LPAR1: variants seen among roughly 807,000 people sequenced by gnomAD.
LPAR1 encodes the protein lysophosphatidic acid receptor 1.
In LPAR1, 5 loss-of-function variants were observed where a neutral mutation model predicts 23.8. The observed-to-expected ratio is 0.21, with a 90% CI of 0.11 to 0.44. The LOEUF (loss-of-function observed/expected upper bound fraction) is 0.44. Among genes scored for constraint, LPAR1 ranks in the 20% least tolerant of loss-of-function variants. LPAR1 has a pLI of 0.99. For missense variants in LPAR1, 311 were observed against 482.8 expected (o/e 0.64, Z 3.33); for synonymous variants, 160 against 164.7 (o/e 0.97, Z 0.22).
intron 5 of LPAR1, among the ~76,000 whole-genome samples, chr9:110,892,822 A>AGGCAGGCAGGCAGGCAGGC (rs1564386259): frequency 3.5e-5 from 3 of 86,258 alleles, no homozygotes; most frequent in Admixed American, 2.4e-4. Context: ...GGAAGGAAGG[A>AGGCAGGCAGGCAGGCAGGC]AGGAAGGCAG....
intron 5 of LPAR1, among the ~76,000 whole-genome samples, chr9:110,910,299 A>G (rs926941720): frequency 1.2e-4 from 19 of 152,158 alleles, no homozygotes; most frequent in Non-Finnish European, 1.9e-4. Flanking sequence ...CTCTGCCTGT[A>G]GTCTATAAAT....
intron 5 of LPAR1, among the ~76,000 whole-genome samples, chr9:110,894,139 G>A (rs2085472140): frequency 6.6e-6 from 1 of 151,838 alleles, no homozygotes; most frequent in African/African-American, 2.4e-5. Context: ...TATTCACATG[G>A]GAACTTAAGA....
chr9:110,954,645 G>A (rs1461392401), intron 4 of LPAR1, among the ~76,000 whole-genome samples: 2 of 152,076 alleles, frequency 1.3e-5, no homozygotes, highest in Non-Finnish European at 2.9e-5. Flanking sequence ...AAATTGTACA[G>A]GCCAGGAGAG....
chr9:110,896,555 T>C (rs962081416), intron 5 of LPAR1, among the ~76,000 whole-genome samples: 2 of 152,056 alleles, frequency 1.3e-5, no homozygotes, highest in Non-Finnish European at 2.9e-5. Flanking sequence ...TACTACTCCA[T>C]GGTATGATCT....
chr9:110,997,956 C>CA (rs2097051230), intron 2 of LPAR1, among the ~76,000 whole-genome samples: 1 of 152,200 alleles, frequency 6.6e-6, no homozygotes, highest in Non-Finnish European at 1.5e-5. Context: ...CTGCATTACA[C>CA]CAGTGGTTCT....
At chr9:110,878,231 C>T (rs530569549) in intron 5 of LPAR1, among the ~76,000 whole-genome samples, 27 of 152,224 alleles carry the variant, frequency 1.8e-4, no homozygotes, top group African/African-American at 5.8e-4. Flanking sequence ...TACAGGCCTC[C>T]GAAATCAACA....
intron 5 of LPAR1, among the ~76,000 whole-genome samples, chr9:110,901,971 C>T (rs540274938): frequency 6.6e-6 from 1 of 152,030 alleles, no homozygotes; most frequent in Non-Finnish European, 1.5e-5. Flanking sequence ...ATACTTTTTC[C>T]CTGTTTCTCC....
At chr9:110,885,860 C>A (rs1305894350) in intron 5 of LPAR1, among the ~76,000 whole-genome samples, 2 of 151,950 alleles carry the variant, frequency 1.3e-5, no homozygotes, top group Non-Finnish European at 2.9e-5. Flanking sequence ...GTGAGGAGTT[C>A]GAGACCAGCC....
At chr9:110,996,085 T>C (rs1458161527) in intron 2 of LPAR1, among the ~76,000 whole-genome samples, 2 of 152,246 alleles carry the variant, frequency 1.3e-5, no homozygotes, top group East Asian at 3.9e-4. Context: ...GAGGCCCCAC[T>C]TGAAAGACTT....
intron 5 of LPAR1, among the ~76,000 whole-genome samples, chr9:110,920,527 A>T (rs1421828869): frequency 6.6e-6 from 1 of 152,202 alleles, no homozygotes. Context: ...TTCATTGTTT[A>T]AAAAGACATC....
intron 4 of LPAR1, among the ~76,000 whole-genome samples, chr9:110,952,693 C>G (rs770630723): frequency 6.6e-6 from 1 of 152,290 alleles, no homozygotes; most frequent in African/African-American, 2.4e-5. Flanking sequence ...GTTGCTGCCA[C>G]TGAAAGCAAC....
intron 5 of LPAR1, among the ~76,000 whole-genome samples, chr9:110,891,425 C>G (rs569787346): frequency 1.3e-5 from 2 of 152,188 alleles, no homozygotes; most frequent in East Asian, 3.9e-4. Flanking sequence ...GTATATTAAA[C>G]GCATTTGTGG....
chr9:111,011,873 G>T (rs887423987), intron 2 of LPAR1, among the ~76,000 whole-genome samples: 1 of 152,152 alleles, frequency 6.6e-6, no homozygotes, highest in African/African-American at 2.4e-5. Context: ...TGCTGCTACC[G>T]TGAGATGGAA....
intron 4 of LPAR1, among the ~76,000 whole-genome samples, chr9:110,962,357 C>A (rs1338542049): frequency 1.3e-5 from 2 of 152,160 alleles, no homozygotes; most frequent in African/African-American, 2.4e-5. Flanking sequence ...TGATCAACCA[C>A]AATTAAGGTA....
intron 5 of LPAR1, among the ~76,000 whole-genome samples, chr9:110,883,120 A>G (rs529071749): frequency 4.1e-4 from 63 of 152,216 alleles, no homozygotes; most frequent in African/African-American, 1.3e-3. Flanking sequence ...GCTCACTGCA[A>G]CCTCTGCCTC....
At chr9:110,982,500 T>C (rs2096690233) in intron 2 of LPAR1, among the ~76,000 whole-genome samples, 1 of 151,844 alleles carries the variant, frequency 6.6e-6, no homozygotes, top group Admixed American at 6.6e-5. Flanking sequence ...AGGGGAGGGA[T>C]AGCATTAGGA....
chr9:110,903,922 A>G (rs2090300478), intron 5 of LPAR1, among the ~76,000 whole-genome samples: 1 of 148,180 alleles, frequency 6.7e-6, no homozygotes, highest in Non-Finnish European at 1.5e-5. Flanking sequence ...AAGCACTGAG[A>G]GAGCAACAAC....
chr9:110,951,535 G>T (rs1447579917), intron 4 of LPAR1, among the ~76,000 whole-genome samples: 1 of 152,106 alleles, frequency 6.6e-6, no homozygotes, highest in East Asian at 1.9e-4. Context: ...CACAAGAAAA[G>T]AAAATTACAT....
intron 2 of LPAR1, among the ~76,000 whole-genome samples, chr9:111,017,954 G>A (rs2097487717): frequency 6.6e-6 from 1 of 152,168 alleles, no homozygotes. Flanking sequence ...AGGAGGTGGA[G>A]GTTGCAGTGA....
Sources: allele counts gnomAD v4.1 joint callset (sites outside exome capture counted in the v4.1 genomes callset), GRCh38; gene constraint gnomAD v4.1.1; transcripts MANE v1.5; gene names NCBI Gene and HGNC (gene_info 2026-07-23, HGNC 2026-07-21).